Variants in GPC5 observed in about 807,000 individuals in gnomAD.
GPC5 encodes the protein glypican-5.
Under a neutral mutation model 53.9 loss-of-function variants are expected in GPC5, and 47 were observed. That is an observed-to-expected ratio of 0.87 (90% CI 0.69 to 1.11). The LOEUF (loss-of-function observed/expected upper bound fraction) is 1.11, where lower values mean the gene tolerates loss of function less well. Ranked by LOEUF, GPC5 falls within the 50% of genes most tolerant of loss-of-function variation. The pLI is 0.00. For synonymous variants in GPC5, 286 were observed against 263.3 expected, an observed-to-expected ratio of 1.09 and a Z score of -0.84; for missense variants, 748 against 713.1, an observed-to-expected ratio of 1.05 and a Z score of -0.56.
chr13:92,417,034 T>G (rs1876335200), intron 7 of GPC5, among the ~76,000 whole-genome samples: 1 of 152,226 alleles, frequency 6.6e-6, no homozygotes, highest in South Asian at 2.1e-4. Flanking sequence ...TCCACTGTAT[T>G]TAACCCTATT....
chr13:91,913,477 TTCA>T (rs1349669654), intron 6 of GPC5, among the ~76,000 whole-genome samples: 1 of 152,012 alleles, frequency 6.6e-6, no homozygotes, highest in Non-Finnish European at 1.5e-5. Context: ...TTAATTTTAT[TTCA>T]TCATTTAGGA....
intron 6 of GPC5, among the ~76,000 whole-genome samples, chr13:92,036,838 T>C (rs1331474515): frequency 6.6e-6 from 1 of 152,220 alleles, no homozygotes; most frequent in Non-Finnish European, 1.5e-5. Context: ...ATTAGTTAAC[T>C]AGTACCTTCA....
intron 7 of GPC5, among the ~76,000 whole-genome samples, chr13:92,484,436 A>G (rs1426410383): frequency 6.6e-6 from 1 of 152,184 alleles, no homozygotes; most frequent in Non-Finnish European, 1.5e-5. Context: ...ACCAAGTATT[A>G]TGTACTATAC....
intron 6 of GPC5, among the ~76,000 whole-genome samples, chr13:91,999,898 T>A (rs981692184): frequency 1.3e-5 from 2 of 152,242 alleles, no homozygotes; most frequent in Non-Finnish European, 2.9e-5. Context: ...AAGGAGTTAC[T>A]TTGAAAATTA....
intron 7 of GPC5, among the ~76,000 whole-genome samples, chr13:92,550,964 G>T (rs1291783504): frequency 2.6e-5 from 4 of 151,694 alleles, no homozygotes; most frequent in African/African-American, 4.8e-5. Context: ...TGTTTGAGTT[G>T]GACTTCCATT....
intron 7 of GPC5, among the ~76,000 whole-genome samples, chr13:92,814,522 A>T (rs1159251912): frequency 6.6e-6 from 1 of 151,592 alleles, no homozygotes; most frequent in African/African-American, 2.4e-5. Context: ...TTAGCCGGGC[A>T]TGGTGGCAGA....
At chr13:92,190,363 C>T (rs1454445954) in intron 7 of GPC5, among the ~76,000 whole-genome samples, 1 of 152,036 alleles carries the variant, frequency 6.6e-6, no homozygotes, top group African/African-American at 2.4e-5. Context: ...TATATAGGTC[C>T]TAAAATCATA....
chr13:91,763,341 G>T (rs1023035403), intron 5 of GPC5, among the ~76,000 whole-genome samples: 5 of 152,038 alleles, frequency 3.3e-5, no homozygotes, highest in Non-Finnish European at 5.9e-5. Flanking sequence ...TTTGTTAAAT[G>T]GGAATCTAAA....
intron 7 of GPC5, among the ~76,000 whole-genome samples, chr13:92,432,364 T>G (rs1403295782): frequency 2.7e-5 from 4 of 146,006 alleles, no homozygotes; most frequent in Admixed American, 6.8e-5. Flanking sequence ...TGGGTTTTTT[T>G]TTTTTTTTTT....
intron 5 of GPC5, among the ~76,000 whole-genome samples, chr13:91,871,921 A>C (rs1457305485): frequency 6.6e-6 from 1 of 152,090 alleles, no homozygotes; most frequent in Non-Finnish European, 1.5e-5. Context: ...GAAACGCAAA[A>C]TTCTAGAAAA....
At chr13:92,575,046 C>T (rs565889443) in intron 7 of GPC5, among the ~76,000 whole-genome samples, 2 of 152,156 alleles carry the variant, frequency 1.3e-5, no homozygotes, top group Non-Finnish European at 2.9e-5. Flanking sequence ...CCTCCTGAGG[C>T]GCTACCCTTG....
chr13:92,429,150 G>T (rs535420529), intron 7 of GPC5, among the ~76,000 whole-genome samples: 10 of 152,102 alleles, frequency 6.6e-5, no homozygotes, highest in African/African-American at 2.4e-4. Flanking sequence ...CCTATGTACA[G>T]TATTAATGGG....
chr13:92,048,129 A>G (rs1020583192), intron 6 of GPC5, among the ~76,000 whole-genome samples: 1 of 152,138 alleles, frequency 6.6e-6, no homozygotes, highest in Non-Finnish European at 1.5e-5. Context: ...ATGGAGCCAA[A>G]TAATCAAGGT....
chr13:92,224,104 G>A (rs948680070), intron 7 of GPC5, among the ~76,000 whole-genome samples: 1 of 152,146 alleles, frequency 6.6e-6, no homozygotes, highest in Admixed American at 6.5e-5. Context: ...AAAGATTATG[G>A]TGACTTAGAA....
chr13:92,054,883 C>A (rs1367149499), intron 6 of GPC5, among the ~76,000 whole-genome samples: 2 of 152,020 alleles, frequency 1.3e-5, no homozygotes, highest in African/African-American at 2.4e-5. Flanking sequence ...ATTTCTAATT[C>A]TTTTTGGAGA....
chr13:91,577,202 A>G (rs1346988128), intron 2 of GPC5, among the ~76,000 whole-genome samples: 3 of 152,200 alleles, frequency 2.0e-5, no homozygotes, highest in Non-Finnish European at 2.9e-5. Flanking sequence ...TTAGCCGCTT[A>G]GCTGTCAGGT....
Position 91,754,551 on chromosome 13 carries a change from A to G in GPC5, c.1155-1744A>G, listed in dbSNP as rs200623252. On this transcript the variant is annotated intron_variant, in intron 4 of 7. Coordinates refer to ENST00000377067, the MANE Select transcript of GPC5 (RefSeq NM_004466.6). ...ATTTAAAAGTCTCAACATTCCATCA[A>G]TTTGGGCCTGGTCTTCATTCCTAGA... 1.1e-4 allele frequency among the ~76,000 whole-genome samples: 16 copies of G among 152,178 alleles called. No individual in the cohort carries two copies. In the East Asian group the frequency reaches 2.7e-3, roughly 26 times the overall value.
chr13:92,615,566 C>A (rs1255787233), intron 7 of GPC5, among the ~76,000 whole-genome samples: 2 of 152,072 alleles, frequency 1.3e-5, no homozygotes, highest in Admixed American at 6.6e-5. Context: ...CCTTCCTGAA[C>A]CGGCTTTTAA....
At chr13:92,747,739 T>A (rs1171642961) in intron 7 of GPC5, among the ~76,000 whole-genome samples, 1 of 152,192 alleles carries the variant, frequency 6.6e-6, no homozygotes, top group Non-Finnish European at 1.5e-5. Flanking sequence ...TTCTCCCTGA[T>A]TAAATTGATG....
Sources: allele counts gnomAD v4.1 joint callset (sites outside exome capture counted in the v4.1 genomes callset), GRCh38; gene constraint gnomAD v4.1.1; transcripts MANE v1.5; gene names NCBI Gene and HGNC (gene_info 2026-07-23, HGNC 2026-07-21).